Variants in CEMIP observed in about 807,000 individuals in gnomAD.
The protein encoded by CEMIP is cell migration inducing hyaluronidase 1, also known as cell migration-inducing and hyaluronan-binding protein.
In CEMIP, 105 loss-of-function variants were observed where a neutral mutation model predicts 156.9. The ratio of observed to expected loss-of-function variants is 0.67; its 90% CI spans 0.57 to 0.79. The LOEUF (loss-of-function observed/expected upper bound fraction) is 0.79. CEMIP is among the 30% of genes least tolerant of loss of function. The pLI, the probability that CEMIP is intolerant of heterozygous loss-of-function variation, is 0.00. For missense variants in CEMIP, 1,457 were observed against 1,769.4 expected (o/e 0.82, Z 3.17); for synonymous variants, 676 against 668.4 (o/e 1.01, Z -0.17).
intron 12 of CEMIP, among the ~76,000 whole-genome samples, chr15:80,905,966 G>C (rs2141886178): frequency 6.6e-6 from 1 of 152,288 alleles, no homozygotes; most frequent in East Asian, 1.9e-4. Flanking sequence ...AGGCCACAGT[G>C]GTGGATGCAG....
chr15:80,925,878 T>C (rs894230564), intron 19 of CEMIP, 123 bp downstream of exon 19: 1 of 1,390,998 alleles, frequency 7.2e-7, no homozygotes. Context: ...TTTGGCCTTC[T>C]GGTCCCCCAG....
chr15:80,937,453 C>G (rs533222230), intron 24 of CEMIP, among the ~76,000 whole-genome samples: 1 of 152,292 alleles, frequency 6.6e-6, no homozygotes, highest in Admixed American at 6.5e-5. Flanking sequence ...CAAGCTGGAC[C>G]CAGAAGGGGC....
rs567225703 is a variant in CEMIP, at chr15:80,841,478, C to T, written c.-175-32060C>T. ...AGGCACTGCTCCACTTCTTGGTTCCCGTCCACTCTGTTGGTACAGACATGG... is the reference window on the plus strand; with the variant it reads ...AGGCACTGCTCCACTTCTTGGTTCCTGTCCACTCTGTTGGTACAGACATGG... On this transcript the variant is annotated intron_variant, in intron 1 of 29. Transcript: ENST00000394685. 3.3e-5 allele frequency among the ~76,000 whole-genome samples: 5 copies of T among 152,334 alleles called. No individual in the cohort carries two copies. In the South Asian group the frequency reaches 6.2e-4, roughly 19 times the overall value.
intron 1 of CEMIP, among the ~76,000 whole-genome samples, chr15:80,847,467 C>G (rs1435793869): frequency 6.6e-6 from 1 of 152,204 alleles, no homozygotes; most frequent in Non-Finnish European, 1.5e-5. Context: ...GGGGTGCAGT[C>G]TGGGCTCACC....
rs781424276 is a variant in CEMIP, at chr15:80,922,035, C to T, written c.2100C>T (p.His700=). 7 of 1,614,230 alleles carry T rather than the reference C, an allele frequency of 4.3e-6. No individual in the cohort carries two copies. The highest frequency in any genetic ancestry group is 5.9e-6 in the Non-Finnish European group (7 of 1,180,018). ...AAACTGGATTTTGGTTTATTTTTCA[C>T]CACGTACCAACGGGCCCCTCCGTGG... ...SEETGFWFIF[H]HVPTGPSVGM... is the part of the protein sequence containing the mutation. Residue 700 remains histidine (H), a synonymous_variant, in exon 17 of 30, where the codon CAC becomes CAT. Transcript: ENST00000394685.
chr15:80,907,290 T>C (rs1899848516), intron 13 of CEMIP, among the ~76,000 whole-genome samples: 1 of 152,202 alleles, frequency 6.6e-6, no homozygotes, highest in East Asian at 1.9e-4. Context: ...TGGCTGGGCG[T>C]GGTGGCTCCC....
chr15:80,790,043 G>A (rs756458011), intron 1 of CEMIP, among the ~76,000 whole-genome samples: 31 of 152,110 alleles, frequency 2.0e-4, no homozygotes, highest in Non-Finnish European at 3.8e-4. Flanking sequence ...TGGCCATTGT[G>A]GGATACGTGG....
At chr15:80,852,530 G>A (rs972890273) in intron 1 of CEMIP, among the ~76,000 whole-genome samples, 4 of 152,018 alleles carry the variant, frequency 2.6e-5, no homozygotes, top group African/African-American at 9.7e-5. Context: ...TTGCTTTTAT[G>A]GCATCGGAAA....
rs1009874857 is a variant in CEMIP, at chr15:80,895,962, C to A, written c.1313C>A (p.Thr438Asn). The A allele has an allele frequency of 6.2e-7, 1 of 1,614,118 alleles. No homozygotes were observed. Among genetic ancestry groups the A allele is most frequent in the African/African-American group, 1.3e-5 (1 of 75,022 alleles). ...DNVQSWKPGD[T>N]LVIASTDYSM... Reference sequence around the variant, plus strand: ...GTACAGTCATGGAAACCTGGAGATACCCTGGTCATTGCCAGTACTGATTAC... The same window carrying A: ...GTACAGTCATGGAAACCTGGAGATAACCTGGTCATTGCCAGTACTGATTAC... The change falls in exon 12 of 30, where the codon ACC becomes AAC. Residue 438 changes from threonine (T) to asparagine (N), a missense_variant. Physicochemically the swap from Thr to Asn is moderately conservative, Grantham distance 65. Around this residue, in one of 5 missense-constraint regions of CEMIP, gnomAD observed 280 missense variants for 300.3 expected, o/e 0.93. Coordinates refer to ENST00000394685, the MANE Select transcript of CEMIP (RefSeq NM_001293298.2).
At chr15:80,925,831 A>G (rs945966148) in intron 19 of CEMIP, 76 bp downstream of exon 19, 5 of 1,543,202 alleles carry the variant, frequency 3.2e-6, no homozygotes, top group African/African-American at 2.7e-5. Context: ...CAGAGACAGG[A>G]GAGCAAAGCA....
chr15:80,894,273 G>C (rs1392235070), intron 10 of CEMIP, among the ~76,000 whole-genome samples: 1 of 152,230 alleles, frequency 6.6e-6, no homozygotes, highest in Non-Finnish European at 1.5e-5. Context: ...TTGTGATGTA[G>C]TTACATAAGT....
chr15:80,878,407 T>C (rs1373620617), intron 3 of CEMIP, among the ~76,000 whole-genome samples: 1 of 152,234 alleles, frequency 6.6e-6, no homozygotes, highest in African/African-American at 2.4e-5. Flanking sequence ...AATCATTGCA[T>C]AACTTCAGAG....
At chr15:80,943,778 C>T (rs894574318) in intron 28 of CEMIP, among the ~76,000 whole-genome samples, 4 of 152,190 alleles carry the variant, frequency 2.6e-5, no homozygotes, top group Non-Finnish European at 2.9e-5. Flanking sequence ...CTGTTCATCA[C>T]CAACACTGTT....
At position 80,895,995 on chromosome 15, in the gene CEMIP, A is replaced by T; in HGVS notation, c.1346A>T (p.Tyr449Phe). 1 of 1,614,224 alleles carries T rather than the reference A, an allele frequency of 6.2e-7. No homozygotes were observed. The part of the protein sequence containing the change: ...LVIASTDYSM[Y>F]QAEEFQVLPC... Reference sequence around the variant, plus strand: ...ATTGCCAGTACTGATTACTCCATGTACCAGGCAGAAGAGTTCCAGGTGCTT... The same window carrying T: ...ATTGCCAGTACTGATTACTCCATGTTCCAGGCAGAAGAGTTCCAGGTGCTT... The change falls in exon 12 of 30, where the codon TAC becomes TTC. Residue 449 changes from tyrosine to phenylalanine, a missense_variant. Transcript: ENST00000394685.
At chr15:80,915,525 T>C (rs984061109) in intron 14 of CEMIP, among the ~76,000 whole-genome samples, 1 of 152,140 alleles carries the variant, frequency 6.6e-6, no homozygotes, top group Non-Finnish European at 1.5e-5. Flanking sequence ...CCACAAAAGT[T>C]TCATTGGCCC....
intron 19 of CEMIP, among the ~76,000 whole-genome samples, 160 bp downstream of exon 19, chr15:80,925,915 G>C (rs937889847): frequency 6.6e-6 from 1 of 152,194 alleles, no homozygotes; most frequent in Admixed American, 6.5e-5. Flanking sequence ...AATGGCAGCA[G>C]GCAGTGGCCA....
chr15:80,838,857 G>A (rs988327289), intron 1 of CEMIP, among the ~76,000 whole-genome samples: 28 of 152,316 alleles, frequency 1.8e-4, no homozygotes, highest in Admixed American at 1.1e-3. Flanking sequence ...CAGCTAGGAC[G>A]GGGCAGACTG....
At chr15:80,855,616 C>T (rs1025409509) in intron 1 of CEMIP, among the ~76,000 whole-genome samples, 2 of 152,022 alleles carry the variant, frequency 1.3e-5, no homozygotes, top group African/African-American at 4.8e-5. Context: ...CAAGCTCCTG[C>T]CTCCTGGGTT....
rs75239407 is a variant in CEMIP at position 80,908,318 on chromosome 15, C to T, written c.1588-779C>T. ...GCCCTCAGAATCATTCTCAACACAG[C>T]TCTCCAGGGCCGCTACTACTGGAGT... On this transcript the variant is annotated intron_variant, in intron 13 of 29. Coordinates refer to ENST00000394685, the MANE Select transcript of CEMIP (RefSeq NM_001293298.2). Among the ~76,000 whole-genome samples the T allele has an allele frequency of 8.7e-3, 1,318 of 152,330 alleles. 20 individuals carry two copies. The highest frequency in any genetic ancestry group is 0.03 in the African/African-American group (1,263 of 41,570).
Sources: allele counts gnomAD v4.1 joint callset (sites outside exome capture counted in the v4.1 genomes callset), GRCh38; gene constraint gnomAD v4.1.1; regional missense constraint gnomAD v4.1.1; transcripts MANE v1.5; gene names NCBI Gene and HGNC (gene_info 2026-07-23, HGNC 2026-07-21).